COL23A1: variants seen among roughly 807,000 people sequenced by gnomAD.
COL23A1 encodes collagen type XXIII alpha 1 chain, also known as collagen alpha-1(XXIII) chain.
Under a neutral mutation model 99.3 loss-of-function variants are expected in COL23A1, and 97 were observed. The observed-to-expected ratio is 0.98, with a 90% CI of 0.83 to 1.16. The LOEUF is 1.16. COL23A1 is among the 50% of genes most tolerant of loss of function. The pLI, the probability that COL23A1 is intolerant of heterozygous loss-of-function variation, is 0.00. For missense variants in COL23A1, 762 were observed against 757.4 expected (o/e 1.01, Z -0.07); for synonymous variants, 320 against 308.2 (o/e 1.04, Z -0.40).
At chr5:178,336,408 A>C (rs1186300128) in intron 2 of COL23A1, among the ~76,000 whole-genome samples, 1 of 152,268 alleles carries the variant, frequency 6.6e-6, no homozygotes. Context: ...TTCAGCCATA[A>C]AAAGGAATGA....
rs1562073621 is a variant in COL23A1, at chr5:178,544,948, G to A, written c.361+15734C>T. 6.6e-6 allele frequency among the ~76,000 whole-genome samples: 1 copy of A among 152,146 alleles called. No individual in the cohort carries two copies. The highest frequency in any genetic ancestry group is 2.4e-5 in the African/African-American group (1 of 41,418). On this transcript the variant is annotated intron_variant, in intron 2 of 28. Coordinates refer to ENST00000390654, the MANE Select transcript of COL23A1 (RefSeq NM_173465.4). The surrounding 1 kb of genome is among the most constrained non-coding windows in gnomAD (Gnocchi z 4.4). ...AAGAAAAATTAACAAAATTTAGCCA[G>A]GTGTGGTGGCACGTGCCTGTAGTCC... is the stretch of plus-strand genomic sequence containing the variant.
At chr5:178,499,871 TA>T (rs1465080674) in intron 2 of COL23A1, among the ~76,000 whole-genome samples, 2 of 152,128 alleles carry the variant, frequency 1.3e-5, no homozygotes, top group Admixed American at 1.3e-4. Flanking sequence ...TACTTGACAA[TA>T]AAAAAGAACA....
chr5:178,289,663 G>A lies in COL23A1; in HGVS notation c.414+699C>T, dbSNP rs540752409. ...TCTACAGCTCTTTCTGCCAAAGCAC[G>A]GGACACTGAAGCATTTAGAAACGTC... On this transcript the variant is annotated intron_variant, in intron 4 of 28. Coordinates refer to ENST00000390654, the MANE Select transcript of COL23A1 (RefSeq NM_173465.4). Among the ~76,000 whole-genome samples, 120 of 152,248 alleles carry A rather than the reference G, an allele frequency of 7.9e-4. 1 individual carries two copies. Among genetic ancestry groups the A allele is most frequent in the African/African-American group, 2.6e-3 (109 of 41,552 alleles).
intron 27 of COL23A1, among the ~76,000 whole-genome samples, chr5:178,241,116 G>A (rs921470028): frequency 1.4e-4 from 22 of 152,266 alleles, no homozygotes; most frequent in African/African-American, 5.1e-4. Context: ...TGTAGTTCTT[G>A]GCTACTTGGG....
chr5:178,317,254 G>A (rs1759030484), intron 2 of COL23A1, among the ~76,000 whole-genome samples: 1 of 152,132 alleles, frequency 6.6e-6, no homozygotes, highest in Non-Finnish European at 1.5e-5. Context: ...AGCCCTTCAG[G>A]ACAGACAACT....
chr5:178,283,915 T>G (rs1015853541), intron 5 of COL23A1, among the ~76,000 whole-genome samples: 1 of 152,240 alleles, frequency 6.6e-6, no homozygotes, highest in Non-Finnish European at 1.5e-5. Flanking sequence ...CATTCCCATA[T>G]GGTTCTCTAA....
In COL23A1 at chr5:178,259,750, G is replaced by T. The variant is rs1487080036; in HGVS notation, c.703-3C>A. The T allele has an allele frequency of 1.2e-6, 2 of 1,602,874 alleles. No homozygotes were observed. Among genetic ancestry groups the T allele is most frequent in the Admixed American group, 1.7e-5 (1 of 59,364 alleles). ...TTTCCAGGTACTCCAGGCTCACCCT[G>T]GGGGAGGCAATGGGGGGTTCAAGAG... On this transcript the variant is annotated splice_region_variant and splice_polypyrimidine_tract_variant and intron_variant, in intron 11 of 28. Transcript: ENST00000390654.
intron 5 of COL23A1, among the ~76,000 whole-genome samples, chr5:178,283,203 T>G (rs1000776868): frequency 2.0e-5 from 3 of 152,144 alleles, no homozygotes; most frequent in Non-Finnish European, 2.9e-5. Context: ...GTGATTTCTA[T>G]AAACACAGAG....
At chr5:178,314,883 C>G (rs1211668337) in intron 2 of COL23A1, among the ~76,000 whole-genome samples, 2 of 152,154 alleles carry the variant, frequency 1.3e-5, no homozygotes, top group Non-Finnish European at 2.9e-5. Flanking sequence ...TCCTTAAACA[C>G]TGCCTGGCTC....
chr5:178,582,877 G>C (rs1763734756), intron 1 of COL23A1, among the ~76,000 whole-genome samples: 4 of 152,220 alleles, frequency 2.6e-5, no homozygotes. Context: ...GGACCTGGGA[G>C]TAGGTGGCCT....
At chr5:178,251,899 A>ATTC (rs1765048132) in intron 17 of COL23A1, among the ~76,000 whole-genome samples, 1 of 115,302 alleles carries the variant, frequency 8.7e-6, no homozygotes, top group African/African-American at 3.3e-5. Context: ...TCTCTCTTTC[A>ATTC]TTTTCTTTTC....
intron 2 of COL23A1, among the ~76,000 whole-genome samples, chr5:178,331,610 C>T (rs1222627520): frequency 6.6e-6 from 1 of 152,198 alleles, no homozygotes; most frequent in Admixed American, 6.5e-5. Context: ...ACAGAGGCAG[C>T]CACCGACAGG....
Position 178,481,147 on chromosome 5 carries a change from A to AAAAG in COL23A1, c.361+79531_361+79534dup, listed in dbSNP as rs1237326293. 3.7e-3 allele frequency among the ~76,000 whole-genome samples: 545 copies of AAAAG among 148,760 alleles called. 7 individuals are homozygous for AAAAG. Among genetic ancestry groups the AAAAG allele is most frequent in the African/African-American group, 0.013 (525 of 39,526 alleles). On this transcript the variant is annotated intron_variant, in intron 2 of 28. Transcript: ENST00000390654. ...ACTGTCTCTCAAAAAAAAAAAAAAA[A>AAAAG]AAAGAAAGAAAGAAAATGTGACTTA...
chr5:178,247,794 G>T lies in COL23A1; in HGVS notation c.1250C>A (p.Pro417His). 3 of 1,612,512 alleles carry T rather than the reference G, an allele frequency of 1.9e-6. No homozygotes were observed. The highest frequency in any genetic ancestry group is 1.7e-6 in the Non-Finnish European group (2 of 1,179,136). The part of the protein sequence containing the change: ...LIVEPGPPGP[P>H]GPPGPMGLQG... ...CCTTACCATCGGGCCTGGGGGGCCAGGGGGGCCAGGGGGCCCTGGCTCCAC... is the reference window on the plus strand; with the variant it reads ...CCTTACCATCGGGCCTGGGGGGCCATGGGGGCCAGGGGGCCCTGGCTCCAC... The change falls in exon 21 of 29, where the codon CCT becomes CAT. Residue 417 changes from proline to histidine, a missense_variant. Transcript: ENST00000390654.
Position 178,333,399 on chromosome 5 carries a change from C to T in COL23A1, c.362-26480G>A, listed in dbSNP as rs552438890. ...GCTCTTGATGATGGCACTTAGGGCC[C>T]CTGGCATGAATCCAGCGTCCTCCCT... is the stretch of plus-strand genomic sequence containing the variant. On this transcript the variant is annotated intron_variant, in intron 2 of 28. Transcript: ENST00000390654. Among the ~76,000 whole-genome samples the T allele has an allele frequency of 3.6e-4, 55 of 152,238 alleles. 1 individual carries two copies. The highest frequency in any genetic ancestry group is 2.7e-3 in the Admixed American group (41 of 15,302).
At chr5:178,481,808 G>T (rs1296839112) in intron 2 of COL23A1, among the ~76,000 whole-genome samples, 1 of 147,290 alleles carries the variant, frequency 6.8e-6, no homozygotes, top group South Asian at 2.2e-4. Flanking sequence ...TCAGTCATAG[G>T]TGGGAATTGA....
intron 2 of COL23A1, among the ~76,000 whole-genome samples, chr5:178,506,512 G>A (rs1758881262): frequency 1.3e-5 from 2 of 152,226 alleles, no homozygotes; most frequent in African/African-American, 4.8e-5. Context: ...CAATGCCTGG[G>A]CCAACAAGGA....
chr5:178,576,757 C>G (rs973360759), intron 1 of COL23A1, among the ~76,000 whole-genome samples: 1 of 151,904 alleles, frequency 6.6e-6, no homozygotes, highest in African/African-American at 2.4e-5. Flanking sequence ...CCCAACGGGT[C>G]CCCCGGCGAC....
At chr5:178,515,370 G>C (rs1759444598) in intron 2 of COL23A1, among the ~76,000 whole-genome samples, 1 of 152,198 alleles carries the variant, frequency 6.6e-6, no homozygotes. Context: ...TGCTGGGTAG[G>C]GTCCGCCCAG....
Sources: allele counts gnomAD v4.1 joint callset (sites outside exome capture counted in the v4.1 genomes callset), GRCh38; gene constraint gnomAD v4.1.1; non-coding constraint Gnocchi (gnomAD v3.1); transcripts MANE v1.5; gene names NCBI Gene and HGNC (gene_info 2026-07-23, HGNC 2026-07-21).